Variants in APP observed in about 807,000 individuals in gnomAD.
APP encodes amyloid beta precursor protein.
Under a neutral mutation model 101.4 loss-of-function variants are expected in APP, and 31 were observed. The ratio of observed to expected loss-of-function variants is 0.31; its 90% confidence interval spans 0.23 to 0.41. The LOEUF is 0.41. APP is among the 10% of genes least tolerant of loss of function. The pLI is 1.00. For synonymous variants in APP, 366 were observed against 364.4 expected (o/e 1.00, Z -0.05); for missense variants, 839 against 1,003.7 (o/e 0.84, Z 2.22).
chr21:25,890,307 G>A (rs889201277), intron 17 of APP, among the ~76,000 whole-genome samples: 1 of 152,160 alleles, frequency 6.6e-6, no homozygotes, highest in Non-Finnish European at 1.5e-5. Flanking sequence ...TGAGCAAAAT[G>A]AAATTTCTGG....
At chr21:25,971,707 G>A (rs1192641691) in intron 11 of APP, among the ~76,000 whole-genome samples, 1 of 152,204 alleles carries the variant, frequency 6.6e-6, no homozygotes, top group Admixed American at 6.5e-5. Context: ...AGCATTAACA[G>A]TGCTTGGTGT....
chr21:25,970,292 G>C (rs2041981051), intron 11 of APP, among the ~76,000 whole-genome samples: 1 of 152,140 alleles, frequency 6.6e-6, no homozygotes, highest in Admixed American at 6.5e-5. Context: ...TGTGATGGCT[G>C]ATGAGACTAA....
chr21:25,998,247 G>A (rs2043132807), intron 7 of APP, among the ~76,000 whole-genome samples: 1 of 152,182 alleles, frequency 6.6e-6, no homozygotes, highest in South Asian at 2.1e-4. Flanking sequence ...GAGAATCACT[G>A]TAACAAAAGG....
intron 9 of APP, 120 bp downstream of exon 9, chr21:25,982,224 T>C (rs2042459358): frequency 8.5e-7 from 1 of 1,176,044 alleles, no homozygotes; most frequent in Admixed American, 1.8e-5. Flanking sequence ...ACATTTAAAA[T>C]TAGAACTTTA....
chr21:25,946,525 A>G (rs45438597), intron 13 of APP, among the ~76,000 whole-genome samples: 8,084 of 151,990 alleles, frequency 0.053, 714 homozygotes, highest in African/African-American at 0.18. Flanking sequence ...AATTAGCTGG[A>G]TGTGGTGGCA....
intron 9 of APP, among the ~76,000 whole-genome samples, chr21:25,978,498 G>A (rs2075748369): frequency 6.6e-6 from 1 of 152,160 alleles, no homozygotes; most frequent in African/African-American, 2.4e-5. Context: ...GGAGAGGGAA[G>A]AATATAAACC....
In APP at chr21:26,024,748, T is replaced by C. The variant is rs140956343; in HGVS notation, c.663-2706A>G. Among the ~76,000 whole-genome samples, 148 of 152,266 alleles carry C rather than the reference T, an allele frequency of 9.7e-4. 1 individual carries two copies. The highest frequency in any genetic ancestry group is 3.4e-3 in the African/African-American group (143 of 41,546). ...AACACCTGACTCTGATTACGTAGGA[T>C]ACAAGAATAGTATAAAGGGCGTTTA... On this transcript the variant is annotated intron_variant, in intron 5 of 17. Transcript: ENST00000346798.
intron 11 of APP, among the ~76,000 whole-genome samples, chr21:25,973,993 T>C (rs1415673630): frequency 1.3e-5 from 2 of 148,446 alleles, no homozygotes; most frequent in African/African-American, 2.5e-5. Flanking sequence ...TACACACTCA[T>C]GCTCAGAAAG....
chr21:25,986,618 T>C lies in APP; in HGVS notation c.1091-4141A>G, dbSNP rs1220716035. Among the ~76,000 whole-genome samples, 4 of 133,880 alleles carry C rather than the reference T, an allele frequency of 3.0e-5. No individual in the cohort carries two copies. In the East Asian group the frequency reaches 6.6e-4, roughly 22 times the overall value. 87.8% of individuals were successfully genotyped at this position (133,880 alleles called of 152,430 possible). On this transcript the variant is annotated intron_variant, in intron 8 of 17. Transcript: ENST00000346798. Reference sequence around the variant, plus strand: ...GGGAGGCTGAGGCAGGAGAATCGCTTGAACCTGGGAGGCGGAGGTTGCGGT... The same window carrying C: ...GGGAGGCTGAGGCAGGAGAATCGCTCGAACCTGGGAGGCGGAGGTTGCGGT...
intron 17 of APP, 139 bp downstream of exon 17, chr21:25,891,583 C>T: frequency 1.2e-6 from 1 of 862,032 alleles, no homozygotes; most frequent in Non-Finnish European, 1.9e-6. Flanking sequence ...CAAGAAAGAA[C>T]AACTGTAACC....
At chr21:26,150,388 A>AT (rs897570389) in intron 1 of APP, among the ~76,000 whole-genome samples, 1 of 152,164 alleles carries the variant, frequency 6.6e-6, no homozygotes, top group African/African-American at 2.4e-5. Flanking sequence ...CAAAATTTTT[A>AT]TAAAAAGGGG....
chr21:26,069,487 C>T (rs977641988), intron 3 of APP, among the ~76,000 whole-genome samples: 4 of 152,138 alleles, frequency 2.6e-5, no homozygotes, highest in Non-Finnish European at 4.4e-5. Flanking sequence ...CAGTTCATTT[C>T]CCTGCCAGCC....
Position 26,050,533 on chromosome 21 carries a change from T to G in APP, c.662+467A>C, listed in dbSNP as rs540831199. Among the ~76,000 whole-genome samples the G allele has an allele frequency of 1.9e-4, 29 of 151,898 alleles. No homozygotes were observed. The East Asian group carries it at 3.7e-3, about 19-fold the overall frequency. Reference sequence around the variant, plus strand: ...ATTTATTAATGCCTTTGACTTCCACTATGAAGGAAAAGAAATGATAAAAGG... The same window carrying G: ...ATTTATTAATGCCTTTGACTTCCACGATGAAGGAAAAGAAATGATAAAAGG... On this transcript the variant is annotated intron_variant, in intron 5 of 17. Transcript: ENST00000346798.
intron 1 of APP, among the ~76,000 whole-genome samples, chr21:26,121,460 T>C (rs902198737): frequency 4.6e-5 from 7 of 151,966 alleles, no homozygotes; most frequent in Admixed American, 2.0e-4. Flanking sequence ...TGATCTCAGC[T>C]CACTGCAACC....
intron 16 of APP, among the ~76,000 whole-genome samples, chr21:25,894,446 G>A (rs2037898367): frequency 6.6e-6 from 1 of 152,154 alleles, no homozygotes; most frequent in Non-Finnish European, 1.5e-5. Context: ...AAGAACATCT[G>A]TGATCCATGG....
At chr21:26,114,921 T>C (rs1244284488) in intron 1 of APP, among the ~76,000 whole-genome samples, 1 of 152,196 alleles carries the variant, frequency 6.6e-6, no homozygotes, top group Non-Finnish European at 1.5e-5. Flanking sequence ...TCTGTTGGCA[T>C]ATGTGTGTAT....
At chr21:26,025,320 T>C (rs2044521992) in intron 5 of APP, among the ~76,000 whole-genome samples, 1 of 152,230 alleles carries the variant, frequency 6.6e-6, no homozygotes, top group African/African-American at 2.4e-5. Context: ...CTCTTACTTA[T>C]TCAATCAAAT....
intron 3 of APP, among the ~76,000 whole-genome samples, chr21:26,060,670 A>C (rs1388311358): frequency 2.6e-5 from 4 of 152,230 alleles, no homozygotes; most frequent in Non-Finnish European, 5.9e-5. Context: ...TAGGGTGGTC[A>C]GGGAATGCCT....
intron 14 of APP, among the ~76,000 whole-genome samples, chr21:25,906,783 T>C (rs1232581519): frequency 1.3e-5 from 2 of 152,058 alleles, no homozygotes; most frequent in South Asian, 2.1e-4. Flanking sequence ...AGGGACCCAA[T>C]AGTGCTTCAA....
Sources: gnomAD v4.1 joint callset for allele counts (sites outside exome capture counted in the v4.1 genomes callset) on GRCh38, gnomAD v4.1.1 for gene constraint, MANE v1.5 for transcripts, NCBI Gene and HGNC (gene_info 2026-07-23, HGNC 2026-07-21) for gene names.